The following PKNOX2 variants were observed in gnomAD, a reference collection of about 807,000 sequenced individuals.
The protein encoded by PKNOX2 is PBX/knotted 1 homeobox 2, also known as homeobox protein PKNOX2.
A neutral mutation model predicts 53.1 loss-of-function variants in PKNOX2; 14 were observed. The ratio of observed to expected loss-of-function variants is 0.26; its 90% confidence interval spans 0.17 to 0.41. PKNOX2 has a LOEUF of 0.41. Ranked by LOEUF, PKNOX2 falls within the 10% of genes least tolerant of loss-of-function variation. PKNOX2 has a pLI of 1.00. For missense variants in PKNOX2, 496 were observed against 602.8 expected, an observed-to-expected ratio of 0.82 and a Z score of 1.85; for synonymous variants, 257 against 242.8, an observed-to-expected ratio of 1.06 and a Z score of -0.54.
intron 2 of PKNOX2, among the ~76,000 whole-genome samples, chr11:125,299,783 G>C (rs11220013): frequency 6.6e-6 from 1 of 152,080 alleles, no homozygotes; most frequent in African/African-American, 2.4e-5. Flanking sequence ...GGATCCCCTC[G>C]CATCCCCCCA....
At chr11:125,292,676 C>A (rs533457739) in intron 2 of PKNOX2, among the ~76,000 whole-genome samples, 28 of 152,180 alleles carry the variant, frequency 1.8e-4, no homozygotes, top group African/African-American at 5.8e-4. Flanking sequence ...CTTTCACTCA[C>A]GAGGCTGGCT....
chr11:125,362,110 G>A (rs1291478406), intron 4 of PKNOX2, among the ~76,000 whole-genome samples: 1 of 151,980 alleles, frequency 6.6e-6, no homozygotes, highest in Non-Finnish European at 1.5e-5. Context: ...GGACTAGATG[G>A]AGACTTAGAA....
At chr11:125,198,754 G>A (rs1284807093) in intron 1 of PKNOX2, among the ~76,000 whole-genome samples, 1 of 151,352 alleles carries the variant, frequency 6.6e-6, no homozygotes, top group African/African-American at 2.4e-5. Context: ...CTGATTTTTT[G>A]TTCTTTTGCA....
At chr11:125,184,859 C>T (rs1297054707) in intron 1 of PKNOX2, among the ~76,000 whole-genome samples, 1 of 152,190 alleles carries the variant, frequency 6.6e-6, no homozygotes, top group African/African-American at 2.4e-5. Flanking sequence ...TACTTTTCCA[C>T]CTACACGGTC....
chr11:125,269,490 GC>G (rs1945622989), intron 2 of PKNOX2, among the ~76,000 whole-genome samples: 1 of 152,138 alleles, frequency 6.6e-6, no homozygotes, highest in African/African-American at 2.4e-5. Flanking sequence ...TGTAATCATA[GC>G]ACAGGGGCTA....
rs150954895 is a variant in PKNOX2 at position 125,368,619 on chromosome 11, T to C, written c.227+634T>C. Among the ~76,000 whole-genome samples the C allele has an allele frequency of 5.5e-3, 837 of 152,334 alleles. 6 individuals carry two copies. Among genetic ancestry groups the C allele is most frequent in the South Asian group, 0.012 (57 of 4,826 alleles). On this transcript the variant is annotated intron_variant, in intron 5 of 12. Coordinates refer to ENST00000298282, the MANE Select transcript of PKNOX2 (RefSeq NM_001382323.2). ...TGTGTGTGACTGTAGGTTCTGGCAC[T>C]TTTCCCCAAGAAGGGGAGTTTGCTG...
intron 5 of PKNOX2, among the ~76,000 whole-genome samples, chr11:125,384,809 G>T (rs182390442): frequency 1.3e-5 from 2 of 151,594 alleles, no homozygotes; most frequent in Non-Finnish European, 1.5e-5. Flanking sequence ...TTCATTCACC[G>T]AATATTTATT....
intron 2 of PKNOX2, among the ~76,000 whole-genome samples, chr11:125,271,269 G>A (rs1442091871): frequency 2.0e-5 from 3 of 152,122 alleles, no homozygotes; most frequent in Non-Finnish European, 4.4e-5. Flanking sequence ...AGTCCAGCTT[G>A]GCCATTTTGC....
rs562607930 is a variant in PKNOX2 at position 125,361,581 on chromosome 11, CT to C, written c.88-6262del. Among the ~76,000 whole-genome samples, 4 of 152,178 alleles carry C rather than the reference CT, an allele frequency of 2.6e-5. No individual in the cohort carries two copies. In the South Asian group the frequency reaches 8.3e-4, roughly 32 times the overall value. ...GACTTTATTTATTTATCTTATTATA[CT>C]TTAAGTTCTAGGGTACATGTGCACA... is the stretch of plus-strand genomic sequence containing the variant. On this transcript the variant is annotated intron_variant, in intron 4 of 12. Coordinates refer to ENST00000298282, the MANE Select transcript of PKNOX2 (RefSeq NM_001382323.2).
intron 7 of PKNOX2, among the ~76,000 whole-genome samples, chr11:125,401,568 A>T (rs913030244): frequency 6.6e-6 from 1 of 151,900 alleles, no homozygotes; most frequent in Non-Finnish European, 1.5e-5. Context: ...CCACTTGCAC[A>T]CTCACACGTC....
chr11:125,290,387 T>A (rs983465854), intron 2 of PKNOX2, among the ~76,000 whole-genome samples: 2 of 152,236 alleles, frequency 1.3e-5, no homozygotes, highest in Admixed American at 6.5e-5. Flanking sequence ...TGTCTCCCTC[T>A]ACTCTTCTGT....
chr11:125,418,409 T>C (rs1162312107), intron 10 of PKNOX2, among the ~76,000 whole-genome samples: 1 of 152,048 alleles, frequency 6.6e-6, no homozygotes, highest in East Asian at 1.9e-4. Flanking sequence ...CCATGACGGG[T>C]ATACTCTGCA....
chr11:125,345,330 T>C (rs1181313495), intron 3 of PKNOX2, among the ~76,000 whole-genome samples: 1 of 152,054 alleles, frequency 6.6e-6, no homozygotes, highest in Non-Finnish European at 1.5e-5. Context: ...GCTCACATGG[T>C]CAAGCCTCCC....
intron 2 of PKNOX2, among the ~76,000 whole-genome samples, chr11:125,294,238 G>A (rs553077879): frequency 6.6e-6 from 1 of 152,288 alleles, no homozygotes; most frequent in East Asian, 1.9e-4. Context: ...CATTGTTATT[G>A]TGTTTTCATT....
chr11:125,388,839 C>T (rs1371453321), intron 6 of PKNOX2, among the ~76,000 whole-genome samples: 1 of 152,130 alleles, frequency 6.6e-6, no homozygotes, highest in African/African-American at 2.4e-5. Flanking sequence ...CCTCCATTAG[C>T]CACCTGCTCC....
intron 1 of PKNOX2, among the ~76,000 whole-genome samples, chr11:125,179,811 T>C (rs1956050548): frequency 6.6e-6 from 1 of 152,176 alleles, no homozygotes; most frequent in Admixed American, 6.5e-5. Flanking sequence ...ATAAAAATTA[T>C]AAATAGATTG....
At chr11:125,185,347 C>T (rs946657761) in intron 1 of PKNOX2, among the ~76,000 whole-genome samples, 1 of 151,900 alleles carries the variant, frequency 6.6e-6, no homozygotes, top group Non-Finnish European at 1.5e-5. Context: ...TTTCTATTGT[C>T]CTTTTCTTGG....
At chr11:125,215,398 C>T (rs902071793) in intron 1 of PKNOX2, among the ~76,000 whole-genome samples, 7 of 152,116 alleles carry the variant, frequency 4.6e-5, no homozygotes, top group Non-Finnish European at 7.4e-5. Context: ...ACCTGTAAAA[C>T]GAGCATAACT....
Position 125,422,397 on chromosome 11 carries a change from TGA to T in PKNOX2, c.937-6611_937-6610del, listed in dbSNP as rs946184291. Reference sequence around the variant, plus strand: ...AGACCTCAGACTCCTGCCTGTGGGGTGAGAGTGTTTTCTCCACCCATCCTTCG... The same window carrying T: ...AGACCTCAGACTCCTGCCTGTGGGGTGAGTGTTTTCTCCACCCATCCTTCG... On this transcript the variant is annotated intron_variant, in intron 10 of 12. Coordinates refer to ENST00000298282, the MANE Select transcript of PKNOX2 (RefSeq NM_001382323.2). The surrounding 1 kb of genome is among the most constrained non-coding windows in gnomAD (Gnocchi z 4.1). 5.9e-5 allele frequency among the ~76,000 whole-genome samples: 9 copies of T among 152,162 alleles called. No individual in the cohort carries two copies. The highest frequency in any genetic ancestry group is 2.2e-4 in the African/African-American group (9 of 41,516).
Sources: gnomAD v4.1 joint callset for allele counts (sites outside exome capture counted in the v4.1 genomes callset) on GRCh38, gnomAD v4.1.1 for gene constraint, Gnocchi (gnomAD v3.1) non-coding constraint, MANE v1.5 for transcripts, NCBI Gene and HGNC (gene_info 2026-07-23, HGNC 2026-07-21) for gene names.